CNTN6: variants seen among roughly 807,000 people sequenced by gnomAD.
The protein encoded by CNTN6 is contactin-6.
CNTN6 carries 137 observed loss-of-function variants against 122.8 expected under a neutral mutation model. The observed-to-expected ratio is 1.12, with a 90% CI of 0.97 to 1.29. The LOEUF (loss-of-function observed/expected upper bound fraction) is 1.29. CNTN6 is among the 50% of genes most tolerant of loss of function. The pLI is 0.00. For synonymous variants in CNTN6, 570 were observed against 426.0 expected, an observed-to-expected ratio of 1.34 and a Z score of -4.16; for missense variants, 1,634 against 1,223.4, an observed-to-expected ratio of 1.34 and a Z score of -5.01.
At chr3:1,252,661 C>T (rs1300288932) in intron 4 of CNTN6, among the ~76,000 whole-genome samples, 1 of 152,098 alleles carries the variant, frequency 6.6e-6, no homozygotes, top group Admixed American at 6.6e-5. Flanking sequence ...TTTGCATATT[C>T]ATGATCTGTT....
At chr3:1,343,814 A>G (rs904839919) in intron 11 of CNTN6, among the ~76,000 whole-genome samples, 2 of 152,150 alleles carry the variant, frequency 1.3e-5, no homozygotes, top group Non-Finnish European at 2.9e-5. Context: ...ATAGAAATCA[A>G]GCAACTGCTC....
At chr3:1,223,686 A>G (rs1295277706) in intron 3 of CNTN6, among the ~76,000 whole-genome samples, 2 of 152,198 alleles carry the variant, frequency 1.3e-5, no homozygotes, top group Admixed American at 6.5e-5. Context: ...TTCTAAATAG[A>G]ATATACTCTC....
chr3:1,223,163 C>T (rs757913832), intron 3 of CNTN6, among the ~76,000 whole-genome samples: 10 of 152,124 alleles, frequency 6.6e-5, no homozygotes, highest in Non-Finnish European at 1.3e-4. Flanking sequence ...CTTCACAATT[C>T]ACAGATTCTA....
chr3:1,240,029 A>T (rs1363506211), intron 4 of CNTN6, among the ~76,000 whole-genome samples: 1 of 152,200 alleles, frequency 6.6e-6, no homozygotes, highest in Non-Finnish European at 1.5e-5. Flanking sequence ...AACTCAAGAT[A>T]TATCAAAGAC....
chr3:1,124,713 C>T (rs534625838), intron 1 of CNTN6, among the ~76,000 whole-genome samples: 5 of 151,776 alleles, frequency 3.3e-5, no homozygotes, highest in African/African-American at 2.4e-5. Flanking sequence ...GAAAGAACAT[C>T]CCTTCCGCTT....
intron 1 of CNTN6, among the ~76,000 whole-genome samples, chr3:1,105,703 A>T (rs750685656): frequency 6.6e-6 from 1 of 152,176 alleles, no homozygotes; most frequent in Non-Finnish European, 1.5e-5. Context: ...ACATCTGGTC[A>T]TAAGCAAGTC....
chr3:1,252,374 A>G (rs2094685730), intron 4 of CNTN6, among the ~76,000 whole-genome samples: 1 of 152,162 alleles, frequency 6.6e-6, no homozygotes, highest in South Asian at 2.1e-4. Context: ...GTGATTCCTG[A>G]CAATATATAA....
chr3:1,111,347 T>C (rs1218019828), intron 1 of CNTN6, among the ~76,000 whole-genome samples: 2 of 152,188 alleles, frequency 1.3e-5, no homozygotes, highest in Non-Finnish European at 2.9e-5. Context: ...CTTTCTTTAG[T>C]ACTTTAGGCT....
chr3:1,115,627 C>G (rs1012735365), intron 1 of CNTN6, among the ~76,000 whole-genome samples: 1 of 152,134 alleles, frequency 6.6e-6, no homozygotes, highest in African/African-American at 2.4e-5. Context: ...AGGTGCATGC[C>G]TGTAATCCCA....
chr3:1,195,482 T>G (rs1193312808), intron 2 of CNTN6, among the ~76,000 whole-genome samples: 1 of 152,226 alleles, frequency 6.6e-6, no homozygotes, highest in Non-Finnish European at 1.5e-5. Context: ...AGAGTTTTGA[T>G]GAAGACTTGT....
In CNTN6 at chr3:1,377,086, G is replaced by A. The variant is rs1394881922; in HGVS notation, c.2166+11G>A. 1 of 1,565,850 alleles carries A rather than the reference G, an allele frequency of 6.4e-7. No homozygotes were observed. The highest frequency in any genetic ancestry group is 8.7e-7 in the Non-Finnish European group (1 of 1,147,746). ...GTCATTACGTGGGAGGTAATTTTCT[G>A]TCCAACTGAGTTATTTTGAAGAAAA... On this transcript the variant is annotated intron_variant, in intron 17 of 22. Transcript: ENST00000446702.
At chr3:1,398,992 T>G (rs1695324414) in intron 20 of CNTN6, among the ~76,000 whole-genome samples, 1 of 152,146 alleles carries the variant, frequency 6.6e-6, no homozygotes, top group Non-Finnish European at 1.5e-5. Flanking sequence ...ACTGCTCCTT[T>G]ACATAGCTGG....
At chr3:1,373,243 A>T (rs2126142691) in intron 14 of CNTN6, among the ~76,000 whole-genome samples, 1 of 152,208 alleles carries the variant, frequency 6.6e-6, no homozygotes, top group South Asian at 2.1e-4. Flanking sequence ...GTTTATAATA[A>T]ATCATTCTTG....
intron 1 of CNTN6, among the ~76,000 whole-genome samples, chr3:1,105,419 CTT>C (rs1249072203): frequency 6.6e-6 from 1 of 152,006 alleles, no homozygotes; most frequent in Non-Finnish European, 1.5e-5. Context: ...GGTGAGATAA[CTT>C]GTAATTTTCA....
intron 5 of CNTN6, among the ~76,000 whole-genome samples, chr3:1,286,697 A>T (rs1694402370): frequency 6.6e-6 from 1 of 152,122 alleles, no homozygotes; most frequent in Admixed American, 6.5e-5. Context: ...CTTAAATGTA[A>T]ACAGGCTAAA....
intron 6 of CNTN6, among the ~76,000 whole-genome samples, chr3:1,296,496 T>C (rs1380462687): frequency 1.3e-5 from 2 of 152,158 alleles, no homozygotes; most frequent in African/African-American, 2.4e-5. Context: ...TAATTAAATG[T>C]TCACAGTGGG....
intron 4 of CNTN6, among the ~76,000 whole-genome samples, chr3:1,265,044 CT>C (rs201949693): frequency 0.32 from 32,201 of 100,676 alleles, 3,622 homozygotes; most frequent in East Asian, 0.59. Flanking sequence ...ACCGAATTTC[CT>C]TTTTTTTTTT....
chr3:1,135,601 TAC>T (rs2092451251), intron 1 of CNTN6, among the ~76,000 whole-genome samples: 6 of 147,902 alleles, frequency 4.1e-5, no homozygotes, highest in Non-Finnish European at 7.4e-5. Flanking sequence ...CACACACACA[TAC>T]ATAAATACAC....
chr3:1,111,975 G>A (rs6442210), intron 1 of CNTN6, among the ~76,000 whole-genome samples: 142,702 of 152,218 alleles, frequency 0.94, 67,013 homozygotes, highest in East Asian at 0.99. Flanking sequence ...ACTTCTTTGA[G>A]CCAAAATACT....
Sources: gnomAD v4.1 joint callset for allele counts (sites outside exome capture counted in the v4.1 genomes callset) on GRCh38, gnomAD v4.1.1 for gene constraint, MANE v1.5 for transcripts, NCBI Gene and HGNC (gene_info 2026-07-23, HGNC 2026-07-21) for gene names.